Variants in NOVA1 observed in about 807,000 individuals in gnomAD.
NOVA1 encodes NOVA alternative splicing regulator 1.
Under a neutral mutation model 38.0 loss-of-function variants are expected in NOVA1, and 7 were observed. The ratio of observed to expected loss-of-function variants is 0.18; its 90% confidence interval spans 0.10 to 0.35. The LOEUF is 0.35. Among genes scored for constraint, NOVA1 ranks in the 10% least tolerant of loss-of-function variants. NOVA1 has a pLI of 1.00. For missense variants in NOVA1, 460 were observed against 616.0 expected (o/e 0.75, Z 2.68); for synonymous variants, 270 against 232.5 (o/e 1.16, Z -1.47).
At position 26,597,581 on chromosome 14, in the gene NOVA1, T is replaced by C. The variant is rs537075689; in HGVS notation, c.-145A>G. ...TTTTTTAATCGGATCAATATAAATC[T>C]CTTTAGGAAAAAAAGCAATGTTGCT... On this transcript the variant is annotated 5_prime_UTR_variant, in exon 1 of 5. Transcript: ENST00000539517. 2.8e-4 allele frequency: 338 copies of C among 1,221,214 alleles called. 2 individuals are homozygous for C. The East Asian group carries it at 9.9e-3, about 36-fold the overall frequency. 75.6% of individuals were successfully genotyped at this position (1,221,214 alleles called of 1,614,324 possible). A position where few individuals can be genotyped will look rare whatever the true frequency, so the allele number is the denominator to read the frequency against.
chr14:26,574,129 G>A lies in NOVA1; in HGVS notation c.280+21281C>T, dbSNP rs144058086. Reference sequence around the variant, plus strand: ...CAACCTCTGCCAACTGGGCTCAAGCGATTCTCCTGCCTCAGCATCCCAAGC... The same window carrying A: ...CAACCTCTGCCAACTGGGCTCAAGCAATTCTCCTGCCTCAGCATCCCAAGC... On this transcript the variant is annotated intron_variant, in intron 2 of 4. Coordinates refer to ENST00000539517, the MANE Select transcript of NOVA1 (RefSeq NM_002515.3). Among the ~76,000 whole-genome samples the A allele has an allele frequency of 4.9e-3, 731 of 150,086 alleles. 2 individuals are homozygous for A. Among genetic ancestry groups the A allele is most frequent in the African/African-American group, 0.017 (700 of 40,702 alleles).
chr14:26,516,906 C>CTT (rs1179556122), intron 2 of NOVA1, among the ~76,000 whole-genome samples: 79,730 of 135,502 alleles, frequency 0.59, 26,648 homozygotes, highest in South Asian at 0.74. Flanking sequence ...GACTTTGCCT[C>CTT]TTTTTTTTTT....
chr14:26,464,042 C>T (rs1883917411), intron 4 of NOVA1, among the ~76,000 whole-genome samples: 1 of 152,084 alleles, frequency 6.6e-6, no homozygotes, highest in South Asian at 2.1e-4. Context: ...AAAATGTGGC[C>T]TCACACATTA....
chr14:26,532,184 G>A (rs953966057), intron 2 of NOVA1, among the ~76,000 whole-genome samples: 3 of 151,778 alleles, frequency 2.0e-5, no homozygotes, highest in Admixed American at 2.0e-4. Context: ...CCATTCCTAA[G>A]TATTTACCCA....
intron 2 of NOVA1, among the ~76,000 whole-genome samples, chr14:26,548,295 C>A (rs949223913): frequency 2.0e-5 from 3 of 152,012 alleles, no homozygotes; most frequent in African/African-American, 7.2e-5. Flanking sequence ...AAAATCATTT[C>A]TTCTACCTAC....
rs555875107 is a variant in NOVA1, at chr14:26,456,749, A to G, written c.520-7786T>C. Among the ~76,000 whole-genome samples the G allele has an allele frequency of 2.2e-3, 331 of 152,086 alleles. 1 individual carries two copies. Among genetic ancestry groups the G allele is most frequent in the African/African-American group, 7.2e-3 (297 of 41,528 alleles). On this transcript the variant is annotated intron_variant, in intron 4 of 4. Transcript: ENST00000539517. ...ATTCTTCTGGGGAAATTTCCAAAAC[A>G]GAGGACATTGTACAATGTATTAGTA... is the stretch of plus-strand genomic sequence containing the variant.
intron 2 of NOVA1, among the ~76,000 whole-genome samples, chr14:26,591,164 AT>A (rs1893821105): frequency 6.6e-6 from 1 of 151,760 alleles, no homozygotes; most frequent in Admixed American, 6.6e-5. Flanking sequence ...ATTAAAAAAA[AT>A]TAAACCAAAA....
chr14:26,596,876 C>A, intron 1 of NOVA1: 2 of 1,137,374 alleles, frequency 1.8e-6, no homozygotes, highest in Non-Finnish European at 2.2e-6. Context: ...AATCCGCTAC[C>A]CAAGTGCCAT....
In NOVA1 at chr14:26,597,622, G is replaced by T. The variant is rs181541425; in HGVS notation, c.-186C>A. 2,981 of 1,219,324 alleles carry T rather than the reference G, an allele frequency of 2.4e-3. 3 individuals carry two copies. The highest frequency in any genetic ancestry group is 2.8e-3 in the Non-Finnish European group (2,724 of 982,616). The allele number at this position is 1,219,324 out of a possible 1,614,324, so 75.5% of individuals were successfully genotyped here. On this transcript the variant is annotated 5_prime_UTR_variant, in exon 1 of 5. Coordinates refer to ENST00000539517, the MANE Select transcript of NOVA1 (RefSeq NM_002515.3). ...CAATGTTGCTGGTTTGTTCTCACTG[G>T]GGAGGGGGCAGGGCTGAGGAGCAGC...
intron 2 of NOVA1, among the ~76,000 whole-genome samples, chr14:26,489,422 T>G (rs1305643857): frequency 6.6e-6 from 1 of 151,954 alleles, no homozygotes; most frequent in Non-Finnish European, 1.5e-5. Flanking sequence ...ACTGTTTAAC[T>G]TGGTGGGAGA....
At chr14:26,563,806 GCTCTAGCCTAAGCCCAA>G (rs1485794223) in intron 2 of NOVA1, among the ~76,000 whole-genome samples, 3 of 152,068 alleles carry the variant, frequency 2.0e-5, no homozygotes, top group African/African-American at 4.8e-5. Context: ...AACAGTATAA[GCTCTAGCCTAAGCCCAA>G]GTATGGGCTT....
At chr14:26,521,708 G>A (rs1473664717) in intron 2 of NOVA1, among the ~76,000 whole-genome samples, 1 of 152,044 alleles carries the variant, frequency 6.6e-6, no homozygotes, top group African/African-American at 2.4e-5. Flanking sequence ...TGTAAAAGTA[G>A]ATATGTTAGA....
chr14:26,451,573 A>G (rs1181593134), intron 4 of NOVA1, among the ~76,000 whole-genome samples: 1 of 151,968 alleles, frequency 6.6e-6, no homozygotes, highest in Non-Finnish European at 1.5e-5. Context: ...GTTTCACCAT[A>G]TGTTGTCCAG....
At chr14:26,494,445 G>A (rs1339631674) in intron 2 of NOVA1, among the ~76,000 whole-genome samples, 3 of 152,156 alleles carry the variant, frequency 2.0e-5, no homozygotes, top group Admixed American at 6.5e-5. Flanking sequence ...AGCAAAGGCT[G>A]AACAGATGTA....
At chr14:26,551,138 G>A (rs2138641615) in intron 2 of NOVA1, among the ~76,000 whole-genome samples, 1 of 151,886 alleles carries the variant, frequency 6.6e-6, no homozygotes, top group South Asian at 2.1e-4. Flanking sequence ...GGTTTTAAAG[G>A]GCTCTGTAAC....
chr14:26,458,422 T>C (rs529007781), intron 4 of NOVA1, among the ~76,000 whole-genome samples: 1 of 152,220 alleles, frequency 6.6e-6, no homozygotes, highest in South Asian at 2.1e-4. Context: ...AGACATGGGA[T>C]CAACCTATAT....
chr14:26,507,731 C>T (rs1887749128), intron 2 of NOVA1, among the ~76,000 whole-genome samples: 1 of 152,032 alleles, frequency 6.6e-6, no homozygotes, highest in African/African-American at 2.4e-5. Context: ...CTTACTATAG[C>T]CATGTGTTCA....
intron 2 of NOVA1, among the ~76,000 whole-genome samples, chr14:26,595,090 G>A (rs1272729917): frequency 1.3e-5 from 2 of 152,084 alleles, no homozygotes; most frequent in Non-Finnish European, 2.9e-5. Flanking sequence ...AACTTCAGAA[G>A]AACCCTATTT....
chr14:26,479,744 C>T, intron 3 of NOVA1: 1 of 417,390 alleles, frequency 2.4e-6, no homozygotes, highest in Non-Finnish European at 4.2e-6. Context: ...CTAAGAGTCA[C>T]ATAAGTGCTC....
Sources: gnomAD v4.1 joint callset for allele counts (sites outside exome capture counted in the v4.1 genomes callset) on GRCh38, gnomAD v4.1.1 for gene constraint, MANE v1.5 for transcripts, NCBI Gene and HGNC (gene_info 2026-07-23, HGNC 2026-07-21) for gene names.